SNX8: variants seen among roughly 807,000 people sequenced by gnomAD.
SNX8 encodes sorting nexin-8.
In SNX8, 25 loss-of-function variants were observed where a neutral mutation model predicts 51.6. The ratio of observed to expected loss-of-function variants is 0.48; its 90% CI spans 0.35 to 0.68. The LOEUF (loss-of-function observed/expected upper bound fraction) is 0.68. SNX8 is among the 30% of genes least tolerant of loss of function. SNX8 has a pLI of 0.00. For synonymous variants in SNX8, 324 were observed against 277.0 expected (o/e 1.17, Z -1.68); for missense variants, 695 against 624.0 (o/e 1.11, Z -1.21).
intron 1 of SNX8, among the ~76,000 whole-genome samples, chr7:2,323,139 G>A (rs182053747): frequency 1.3e-5 from 2 of 151,954 alleles, no homozygotes; most frequent in Non-Finnish European, 2.9e-5. Context: ...AGACCAGCCC[G>A]GCCAATACGG....
At chr7:2,259,165 A>G (rs1042022523) in intron 7 of SNX8, among the ~76,000 whole-genome samples, 3 of 152,174 alleles carry the variant, frequency 2.0e-5, no homozygotes, top group African/African-American at 7.2e-5. Context: ...GGTCTGGGGA[A>G]GGCAGCGGAA....
At chr7:2,264,551 G>A (rs1795420322) in intron 5 of SNX8, 93 bp from the exon 6 acceptor site, 4 of 1,329,694 alleles carry the variant, frequency 3.0e-6, no homozygotes, top group East Asian at 5.0e-5. Context: ...TGAGCCACGG[G>A]AGACACAGCA....
chr7:2,271,948 T>C lies in SNX8; in HGVS notation c.442A>G (p.Arg148Gly). 3 of 1,614,112 alleles carry C rather than the reference T, an allele frequency of 1.9e-6. No individual in the cohort carries two copies. The highest frequency in any genetic ancestry group is 2.5e-6 in the Non-Finnish European group (3 of 1,180,012). The change falls in exon 4 of 11, where the codon AGG becomes GGG. Residue 148 changes from arginine to glycine, a missense_variant. Physicochemically the swap from Arg to Gly is moderately radical, Grantham distance 125. Coordinates refer to ENST00000222990, the MANE Select transcript of SNX8 (RefSeq NM_013321.4). ...LGADREFIEA[R>G]RRALKRFVNL... ...ACGAAGCGCTTCAGGGCTCTCCTCC[T>C]GGCCTCGATGAACTCCCTGTCAGCT... is the stretch of plus-strand genomic sequence containing the variant.
chr7:2,261,449 A>G (rs1161186463), intron 7 of SNX8, among the ~76,000 whole-genome samples: 1 of 152,230 alleles, frequency 6.6e-6, no homozygotes, highest in Non-Finnish European at 1.5e-5. Context: ...AAACAAAAAA[A>G]AGAAATAGCT....
At chr7:2,321,243 C>G (rs747851593) in intron 1 of SNX8, among the ~76,000 whole-genome samples, 9 of 152,002 alleles carry the variant, frequency 5.9e-5, no homozygotes, top group Non-Finnish European at 1.0e-4. Context: ...ATAATCAGCT[C>G]TAATCCAGAA....
Position 2,269,584 on chromosome 7 carries a change from T to G in SNX8, c.596A>C (p.Asn199Thr). ...SAQCVGDEFL[N>T]CKLATRAKDF... ...CTTGGCCCTGGTAGCCAGCTTACAGTTCAGGAATTCGTCCCCGACGCACTG... is the reference window on the plus strand; with the variant it reads ...CTTGGCCCTGGTAGCCAGCTTACAGGTCAGGAATTCGTCCCCGACGCACTG... The change falls in exon 5 of 11, where the codon AAC (asparagine) becomes ACC (threonine). Residue 199 changes from asparagine (N) to threonine (T), a missense_variant. Physicochemically the swap from Asn to Thr is moderately conservative, Grantham distance 65. Coordinates refer to ENST00000222990, the MANE Select transcript of SNX8 (RefSeq NM_013321.4). 6.3e-7 allele frequency: 1 copy of G among 1,590,610 alleles called. No homozygotes were observed. Among genetic ancestry groups the G allele is most frequent in the Non-Finnish European group, 8.5e-7 (1 of 1,169,734 alleles).
chr7:2,268,244 G>A (rs566863535), intron 5 of SNX8, among the ~76,000 whole-genome samples: 2 of 144,326 alleles, frequency 1.4e-5, no homozygotes, highest in Non-Finnish European at 3.0e-5. Context: ...CCCCGTCTGG[G>A]AGGTGAGGAG....
chr7:2,354,123 G>A (rs1377089761), intron 1 of SNX8: 3 of 152,278 alleles, frequency 2.0e-5, no homozygotes. Context: ...CGGCGGCCTC[G>A]GATGGACTGA....
chr7:2,269,618 C>G lies in SNX8; in HGVS notation c.562G>C (p.Glu188Gln), dbSNP rs779043078. 6.2e-7 allele frequency: 1 copy of G among 1,600,898 alleles called. No individual in the cohort carries two copies. Among genetic ancestry groups the G allele is most frequent in the Non-Finnish European group, 8.5e-7 (1 of 1,173,678 alleles). ...SGSDVQNKLK[E>Q]SAQCVGDEFL... is the part of the protein sequence containing the mutation. ...TCGTCCCCGACGCACTGTGCTGACT[C>G]CTTTAACTTGTTCTGCACATCCTGC... The change falls in exon 5 of 11, where the codon GAG becomes CAG. Residue 188 changes from glutamate to glutamine, a missense_variant. By Grantham distance (29) the Glu-to-Gln change is conservative. Coordinates refer to ENST00000222990, the MANE Select transcript of SNX8 (RefSeq NM_013321.4).
At chr7:2,308,541 G>A (rs1190563340) in intron 1 of SNX8, among the ~76,000 whole-genome samples, 1 of 151,592 alleles carries the variant, frequency 6.6e-6, no homozygotes, top group African/African-American at 2.4e-5. Flanking sequence ...GGTGGCACAC[G>A]CCTGTAATCC....
intron 4 of SNX8, among the ~76,000 whole-genome samples, chr7:2,269,957 C>A (rs1795603908): frequency 6.6e-6 from 1 of 152,106 alleles, no homozygotes; most frequent in Admixed American, 6.5e-5. Context: ...GGCGGCTCTG[C>A]AGAGAAACGG....
chr7:2,266,163 GTTT>G (rs1397430423), intron 5 of SNX8, among the ~76,000 whole-genome samples: 4 of 152,160 alleles, frequency 2.6e-5, no homozygotes, highest in African/African-American at 9.6e-5. Context: ...GAAGAAGCAG[GTTT>G]TTTTCTGGTT....
chr7:2,269,834 G>A (rs1795600426), intron 4 of SNX8, among the ~76,000 whole-genome samples, 195 bp from the exon 5 acceptor site: 1 of 152,134 alleles, frequency 6.6e-6, no homozygotes, highest in African/African-American at 2.4e-5. Flanking sequence ...GGACAGCCTG[G>A]CTTCACAGCA....
chr7:2,311,927 A>G (rs556983656), intron 1 of SNX8, among the ~76,000 whole-genome samples: 1 of 149,866 alleles, frequency 6.7e-6, no homozygotes, highest in African/African-American at 2.5e-5. Flanking sequence ...ACAGAGCGAG[A>G]CTCCGTCTCA....
rs774313343 is a variant in SNX8 at position 2,275,215 on chromosome 7, C to T, written c.315G>A (p.Ser105=). Residue 105 remains serine, a synonymous_variant, in exon 3 of 11, where the codon TCG becomes TCA. Coordinates refer to ENST00000222990, the MANE Select transcript of SNX8 (RefSeq NM_013321.4). ...YEVSSQRFKS[S]VYRRYNDFVV... ...CGAAGTCATTGTACCGTCTGTATAC[C>T]GAGGACTTGAAGCGCTGCAAGAGAA... 2.2e-5 allele frequency: 36 copies of T among 1,613,356 alleles called. No homozygotes were observed. The highest frequency in any genetic ancestry group is 3.3e-5 in the South Asian group (3 of 91,074).
intron 4 of SNX8, 124 bp from the exon 5 acceptor site, chr7:2,269,763 G>C (rs1212377222): frequency 3.5e-6 from 2 of 577,302 alleles, no homozygotes; most frequent in Non-Finnish European, 6.1e-6. Context: ...CCATATGTTG[G>C]CTTTGACATT....
intron 1 of SNX8, among the ~76,000 whole-genome samples, chr7:2,328,428 ATG>A (rs1437136843): frequency 1.3e-5 from 2 of 151,530 alleles, no homozygotes; most frequent in Non-Finnish European, 1.5e-5. Context: ...CTGGGCTCAA[ATG>A]ATCCTCCTGC....
Position 2,311,712 on chromosome 7 carries a change from T to C in SNX8, c.94+2616A>G, listed in dbSNP as rs1796660687. 3.3e-5 allele frequency among the ~76,000 whole-genome samples: 5 copies of C among 151,982 alleles called. No individual in the cohort carries two copies. In the South Asian group the frequency reaches 1.0e-3, roughly 32 times the overall value. ...CAGCACTTTGGGAGGCCGAGGCGGC[T>C]AGATCACGAGGTCAGGAGATCGAGA... On this transcript the variant is annotated intron_variant, in intron 1 of 10. Coordinates refer to ENST00000222990, the MANE Select transcript of SNX8 (RefSeq NM_013321.4).
chr7:2,321,515 C>CTGCCGGGT (rs1347229115), intron 1 of SNX8, among the ~76,000 whole-genome samples: 1 of 151,102 alleles, frequency 6.6e-6, no homozygotes, highest in Admixed American at 6.6e-5. Context: ...CAAGCTCCTC[C>CTGCCGGGT]TCCCAGGTTC....
Sources: gnomAD v4.1 joint callset for allele counts (sites outside exome capture counted in the v4.1 genomes callset) on GRCh38, gnomAD v4.1.1 for gene constraint, MANE v1.5 for transcripts, NCBI Gene and HGNC (gene_info 2026-07-23, HGNC 2026-07-21) for gene names.